The following NRXN3 variants were observed in gnomAD, a reference collection of about 807,000 sequenced individuals.
NRXN3 encodes neurexin III.
In NRXN3, 32 loss-of-function variants were observed where a neutral mutation model predicts 137.6. That is an observed-to-expected ratio of 0.23 (90% CI 0.18 to 0.31). The LOEUF is 0.31. Among genes scored for constraint, NRXN3 ranks in the 10% least tolerant of loss-of-function variants. The probability of loss-of-function intolerance (pLI) is 1.00; values close to 1 mark genes in which losing one functional copy is unlikely to be tolerated. For missense variants in NRXN3, 1,574 were observed against 2,062.5 expected (o/e 0.76, Z 4.59); for synonymous variants, 798 against 784.5 (o/e 1.02, Z -0.29).
chr14:78,471,385 G>C (rs902198866), intron 4 of NRXN3, among the ~76,000 whole-genome samples: 1 of 151,608 alleles, frequency 6.6e-6, no homozygotes, highest in Non-Finnish European at 1.5e-5. Flanking sequence ...TCAAAGTCAT[G>C]CAGCAATGAC....
intron 16 of NRXN3, among the ~76,000 whole-genome samples, chr14:79,648,194 A>G (rs2098460366): frequency 7.4e-6 from 1 of 134,236 alleles, no homozygotes; most frequent in African/African-American, 2.5e-5. Context: ...CAAAACAAAC[A>G]AACAAACAAA....
At chr14:79,683,604 G>A (rs2098681395) in intron 17 of NRXN3, among the ~76,000 whole-genome samples, 1 of 152,092 alleles carries the variant, frequency 6.6e-6, no homozygotes, top group Non-Finnish European at 1.5e-5. Context: ...GTTTCTATAG[G>A]TCAGAATTTG....
intron 16 of NRXN3, among the ~76,000 whole-genome samples, chr14:79,558,343 T>G (rs539440715): frequency 2.2e-4 from 34 of 152,304 alleles, no homozygotes; most frequent in Middle Eastern, 3.4e-3. Context: ...GAAGAATCAG[T>G]GTCTATGGCA....
chr14:79,093,716 A>C lies in NRXN3; in HGVS notation c.3262+105575A>C, dbSNP rs1028972386. On this transcript the variant is annotated intron_variant, in intron 15 of 20. Transcript: ENST00000335750. ...AGCACTTGGTGCAGAGGTTAGATAA[A>C]TATCTGTTTCTAGGGGGATATACAT... Among the ~76,000 whole-genome samples the C allele has an allele frequency of 2.0e-5, 3 of 152,200 alleles. No individual in the cohort carries two copies. In the South Asian group the frequency reaches 6.2e-4, roughly 32 times the overall value.
chr14:78,291,365 C>A (rs1346977539), intron 3 of NRXN3, among the ~76,000 whole-genome samples: 4 of 152,142 alleles, frequency 2.6e-5, no homozygotes, highest in Non-Finnish European at 5.9e-5. Context: ...GATAAACAAC[C>A]AGCAGATATT....
intron 16 of NRXN3, among the ~76,000 whole-genome samples, chr14:79,589,506 T>C (rs2097786091): frequency 8.4e-6 from 1 of 118,352 alleles, no homozygotes; most frequent in African/African-American, 3.8e-5. Context: ...GTTAGAAATA[T>C]TCAGAATAAT....
At chr14:78,682,528 T>C (rs1802739459) in intron 6 of NRXN3, among the ~76,000 whole-genome samples, 1 of 152,142 alleles carries the variant, frequency 6.6e-6, no homozygotes, top group African/African-American at 2.4e-5. Flanking sequence ...TCAGCTACTG[T>C]CTAGTCCTCA....
At chr14:79,715,068 C>G (rs749692927) in intron 19 of NRXN3, among the ~76,000 whole-genome samples, 10 of 152,296 alleles carry the variant, frequency 6.6e-5, no homozygotes, top group Non-Finnish European at 1.3e-4. Context: ...ATTCTCCTGC[C>G]TCAGCCTCCT....
chr14:79,840,971 A>G (rs2099354660), intron 20 of NRXN3, among the ~76,000 whole-genome samples: 1 of 152,126 alleles, frequency 6.6e-6, no homozygotes, highest in African/African-American at 2.4e-5. Flanking sequence ...TGACTGGAAA[A>G]TTTCTCAAAG....
intron 4 of NRXN3, among the ~76,000 whole-genome samples, chr14:78,636,108 C>T (rs971848289): frequency 2.6e-5 from 4 of 152,088 alleles, no homozygotes; most frequent in African/African-American, 9.7e-5. Flanking sequence ...TAACATTTCC[C>T]TCTGATTTCT....
intron 15 of NRXN3, among the ~76,000 whole-genome samples, chr14:79,458,226 A>T (rs4899745): frequency 0.28 from 43,258 of 152,014 alleles, 6,522 homozygotes; most frequent in Non-Finnish European, 0.33. Context: ...TTGACTAAAA[A>T]TGGGTGTGAT....
At chr14:79,848,373 G>T (rs1040176361) in intron 20 of NRXN3, among the ~76,000 whole-genome samples, 2 of 152,134 alleles carry the variant, frequency 1.3e-5, no homozygotes, top group South Asian at 4.1e-4. Flanking sequence ...AGCACACAGG[G>T]CGCATGCAGC....
intron 1 of NRXN3, among the ~76,000 whole-genome samples, chr14:78,174,937 G>T (rs576648268): frequency 1.6e-4 from 24 of 152,200 alleles, no homozygotes; most frequent in Non-Finnish European, 3.4e-4. Flanking sequence ...TGCCTTGACA[G>T]AGCCTGGGGC....
intron 10 of NRXN3, among the ~76,000 whole-genome samples, chr14:78,939,816 T>C (rs927029743): frequency 3.9e-5 from 6 of 152,256 alleles, no homozygotes; most frequent in African/African-American, 1.4e-4. Flanking sequence ...TATTTCATCC[T>C]TTTTATCTTT....
intron 16 of NRXN3, among the ~76,000 whole-genome samples, chr14:79,478,709 A>G (rs1157615060): frequency 6.6e-6 from 1 of 152,128 alleles, no homozygotes; most frequent in African/African-American, 2.4e-5. Context: ...TCGTTTTTAT[A>G]TCAATATTGG....
At chr14:78,418,765 T>C (rs1192485592) in intron 4 of NRXN3, among the ~76,000 whole-genome samples, 6 of 152,236 alleles carry the variant, frequency 3.9e-5, no homozygotes, top group Non-Finnish European at 1.5e-5. Context: ...ATTGGATGTG[T>C]TCAACATGCC....
At chr14:79,676,141 C>G (rs1309405436) in intron 17 of NRXN3, among the ~76,000 whole-genome samples, 1 of 152,028 alleles carries the variant, frequency 6.6e-6, no homozygotes, top group African/African-American at 2.4e-5. Context: ...GCTTCAGTTC[C>G]ATTTTCAAGC....
chr14:79,491,044 G>A (rs992108134), intron 16 of NRXN3, among the ~76,000 whole-genome samples: 5 of 152,152 alleles, frequency 3.3e-5, no homozygotes, highest in Non-Finnish European at 5.9e-5. Flanking sequence ...CACTGACTGA[G>A]TGCCAGGGTG....
At chr14:79,617,835 G>A (rs1190908443) in intron 16 of NRXN3, among the ~76,000 whole-genome samples, 1 of 148,104 alleles carries the variant, frequency 6.8e-6, no homozygotes, top group Non-Finnish European at 1.5e-5. Context: ...TTTGAGAACT[G>A]AGTATTATAA....
Sources: gnomAD v4.1 joint callset for allele counts (sites outside exome capture counted in the v4.1 genomes callset) on GRCh38, gnomAD v4.1.1 for gene constraint, MANE v1.5 for transcripts, NCBI Gene and HGNC (gene_info 2026-07-23, HGNC 2026-07-21) for gene names.